Variants in TAFA1 observed in about 807,000 individuals in gnomAD.
The protein encoded by TAFA1 is chemokine-like protein TAFA-1.
TAFA1 carries 4 observed loss-of-function variants against 18.5 expected under a neutral mutation model. The observed-to-expected ratio is 0.22, with a 90% CI of 0.11 to 0.49. TAFA1 has a LOEUF of 0.49. Ranked by LOEUF, TAFA1 falls within the 20% of genes least tolerant of loss-of-function variation. The pLI, the probability that TAFA1 is intolerant of heterozygous loss-of-function variation, is 0.98. For missense variants in TAFA1, 147 were observed against 169.0 expected (o/e 0.87, Z 0.72); for synonymous variants, 56 against 55.2 (o/e 1.01, Z -0.06).
intron 2 of TAFA1, among the ~76,000 whole-genome samples, chr3:68,090,513 T>C (rs2065017651): frequency 6.6e-6 from 1 of 152,158 alleles, no homozygotes; most frequent in African/African-American, 2.4e-5. Context: ...TTGTACCCCA[T>C]GTTGTTCCCC....
At chr3:68,085,677 A>T (rs1185737819) in intron 2 of TAFA1, among the ~76,000 whole-genome samples, 1 of 152,180 alleles carries the variant, frequency 6.6e-6, no homozygotes, top group Non-Finnish European at 1.5e-5. Context: ...CACTCCAAAG[A>T]GTATATCTGC....
intron 2 of TAFA1, among the ~76,000 whole-genome samples, chr3:68,271,316 A>T (rs2067662431): frequency 1.3e-5 from 2 of 152,020 alleles, no homozygotes; most frequent in South Asian, 4.1e-4. Context: ...AAGCCCTAGG[A>T]TCACATTTCA....
At chr3:68,131,884 CT>C (rs1236182718) in intron 2 of TAFA1, among the ~76,000 whole-genome samples, 73 of 150,526 alleles carry the variant, frequency 4.8e-4, no homozygotes, top group South Asian at 1.3e-3. Context: ...ATTTTTTAAC[CT>C]TTTTTTTTTA....
intron 2 of TAFA1, among the ~76,000 whole-genome samples, chr3:68,386,568 C>G (rs1392658809): frequency 6.6e-6 from 1 of 152,122 alleles, no homozygotes; most frequent in East Asian, 1.9e-4. Context: ...ACTGGCCTAG[C>G]TACAGATAGG....
intron 2 of TAFA1, among the ~76,000 whole-genome samples, chr3:68,055,295 T>G (rs1483034314): frequency 1.3e-5 from 2 of 152,116 alleles, no homozygotes; most frequent in Non-Finnish European, 2.9e-5. Context: ...CTCATGTGTG[T>G]GTATGTATGC....
chr3:68,097,507 T>C (rs1162732812), intron 2 of TAFA1, among the ~76,000 whole-genome samples: 1 of 152,162 alleles, frequency 6.6e-6, no homozygotes, highest in Non-Finnish European at 1.5e-5. Context: ...CTATGTATAA[T>C]ATGGGTTTGT....
chr3:68,022,820 TATTATATATAATATATATATATTA>T (rs1469731105), intron 2 of TAFA1, among the ~76,000 whole-genome samples: 1 of 83,134 alleles, frequency 1.2e-5, no homozygotes, highest in Non-Finnish European at 2.2e-5. Context: ...TATATATATA[TATTATATATAATATATATATATTA>T]TATATATATA....
rs557713966 is a variant in TAFA1, at chr3:68,115,188, A to G, written c.118+108444A>G. Among the ~76,000 whole-genome samples, 17 of 152,338 alleles carry G rather than the reference A, an allele frequency of 1.1e-4. No homozygotes were observed. The South Asian group carries it at 1.7e-3, about 15-fold the overall frequency. ...ATTTCTTGACTTGAGTGGCAGTTAC[A>G]TGACAGTTTGCTATACGGTAATTAA... On this transcript the variant is annotated intron_variant, in intron 2 of 4. Coordinates refer to ENST00000478136, the MANE Select transcript of TAFA1 (RefSeq NM_213609.4).
At chr3:68,216,773 G>A (rs1327316305) in intron 2 of TAFA1, among the ~76,000 whole-genome samples, 2 of 151,998 alleles carry the variant, frequency 1.3e-5, no homozygotes, top group South Asian at 2.1e-4. Flanking sequence ...CTCCATAATC[G>A]CAGAGTCAAA....
At chr3:68,443,691 C>G (rs1266664959) in intron 3 of TAFA1, among the ~76,000 whole-genome samples, 6 of 151,964 alleles carry the variant, frequency 3.9e-5, no homozygotes, top group Non-Finnish European at 8.8e-5. Flanking sequence ...AAGACCCGAC[C>G]CCATAATTCA....
At chr3:68,155,045 C>T (rs1418625204) in intron 2 of TAFA1, among the ~76,000 whole-genome samples, 2 of 152,204 alleles carry the variant, frequency 1.3e-5, no homozygotes, top group African/African-American at 4.8e-5. Flanking sequence ...AAACCAGTTA[C>T]GTCAGGCCCA....
At chr3:68,267,001 G>A (rs986619526) in intron 2 of TAFA1, among the ~76,000 whole-genome samples, 9 of 152,128 alleles carry the variant, frequency 5.9e-5, no homozygotes, top group Non-Finnish European at 1.0e-4. Context: ...GGCTTTGGGT[G>A]CCAATAAAAA....
In TAFA1 at chr3:68,004,613, T is replaced by C. The variant is rs1704327125; in HGVS notation, c.-93T>C. 1 of 152,018 alleles carries C rather than the reference T, an allele frequency of 6.6e-6. No homozygotes were observed. Among genetic ancestry groups the C allele is most frequent in the Admixed American group, 6.5e-5 (1 of 15,280 alleles). 9.4% of individuals were successfully genotyped at this position (152,018 alleles called of 1,614,324 possible). A position where few individuals can be genotyped will look rare whatever the true frequency, so the allele number is the denominator to read the frequency against. ...GTTGGGAAGCTCTTTGAAAAAAAAT[T>C]TTAAATTGTGGCACAGATGGATTTT... On this transcript the variant is annotated 5_prime_UTR_variant, in exon 1 of 5. Transcript: ENST00000478136.
At chr3:68,448,474 A>G (rs545485453) in intron 3 of TAFA1, among the ~76,000 whole-genome samples, 8 of 152,334 alleles carry the variant, frequency 5.3e-5, no homozygotes, top group Non-Finnish European at 8.8e-5. Flanking sequence ...CTGTACTGTT[A>G]AATAAAAATC....
chr3:68,481,328 C>G (rs1219449619), intron 3 of TAFA1, among the ~76,000 whole-genome samples: 1 of 152,182 alleles, frequency 6.6e-6, no homozygotes, highest in Non-Finnish European at 1.5e-5. Context: ...GATTGGGGGT[C>G]TATAAACAGT....
chr3:68,333,981 G>T (rs970050197), intron 2 of TAFA1, among the ~76,000 whole-genome samples: 1 of 152,210 alleles, frequency 6.6e-6, no homozygotes, highest in African/African-American at 2.4e-5. Context: ...TAAGACTGTG[G>T]TTACCAGGAT....
chr3:68,078,809 A>G (rs577811888), intron 2 of TAFA1, among the ~76,000 whole-genome samples: 2,787 of 152,226 alleles, frequency 0.018, 33 homozygotes, highest in Non-Finnish European at 0.027. Flanking sequence ...TTGGTATCAG[A>G]ATGATGCTGT....
intron 2 of TAFA1, among the ~76,000 whole-genome samples, chr3:68,042,468 G>T (rs1022648068): frequency 1.3e-5 from 2 of 152,076 alleles, no homozygotes; most frequent in Non-Finnish European, 2.9e-5. Context: ...TGACCAACAT[G>T]GTGTAGCCCT....
At chr3:68,284,306 C>T (rs994083273) in intron 2 of TAFA1, among the ~76,000 whole-genome samples, 1 of 152,038 alleles carries the variant, frequency 6.6e-6, no homozygotes, top group South Asian at 2.1e-4. Flanking sequence ...CACTGCAAAT[C>T]CATCAGAATG....
Sources: allele counts gnomAD v4.1 joint callset (sites outside exome capture counted in the v4.1 genomes callset), GRCh38; gene constraint gnomAD v4.1.1; transcripts MANE v1.5; gene names NCBI Gene and HGNC (gene_info 2026-07-23, HGNC 2026-07-21).